Variants in PAX7 observed in about 807,000 individuals in gnomAD.
PAX7 encodes paired box protein Pax-7.
A neutral mutation model predicts 50.7 loss-of-function variants in PAX7; 18 were observed. That is an observed-to-expected ratio of 0.36 (90% confidence interval 0.25 to 0.53). PAX7 has a LOEUF of 0.53. Among genes scored for constraint, PAX7 ranks in the 20% least tolerant of loss-of-function variants. The pLI, the probability that PAX7 is intolerant of heterozygous loss-of-function variation, is 0.93. For synonymous variants in PAX7, 310 were observed against 290.4 expected (o/e 1.07, Z -0.69); for missense variants, 644 against 702.9 (o/e 0.92, Z 0.95).
At chr1:18,686,976 C>CA (rs2088986446) in intron 4 of PAX7, among the ~76,000 whole-genome samples, 1 of 151,612 alleles carries the variant, frequency 6.6e-6, no homozygotes, top group African/African-American at 2.4e-5. Flanking sequence ...CTGCAACCTC[C>CA]ACCTCCCAGA....
intron 8 of PAX7, among the ~76,000 whole-genome samples, chr1:18,740,611 A>C: frequency 6.6e-6 from 1 of 152,188 alleles, no homozygotes; most frequent in East Asian, 1.9e-4. Context: ...TGTTGTTCTG[A>C]TTATTATTCA....
At chr1:18,707,047 G>A (rs544589632) in intron 7 of PAX7, among the ~76,000 whole-genome samples, 46 of 152,290 alleles carry the variant, frequency 3.0e-4, no homozygotes, top group African/African-American at 1.1e-3. Context: ...ATCTCTGCAC[G>A]TGCCCCCTGG....
At chr1:18,730,139 C>T (rs2089629074) in intron 7 of PAX7, among the ~76,000 whole-genome samples, 3 of 152,162 alleles carry the variant, frequency 2.0e-5, no homozygotes, top group South Asian at 2.1e-4. Context: ...CATGGCACAT[C>T]CAGTGTACAT....
chr1:18,644,459 G>C (rs529908807), intron 4 of PAX7, among the ~76,000 whole-genome samples: 1 of 152,062 alleles, frequency 6.6e-6, no homozygotes, highest in Admixed American at 6.6e-5. Context: ...TTAAGAATAG[G>C]CTAAAACCGA....
chr1:18,659,615 G>A (rs935371400), intron 4 of PAX7, among the ~76,000 whole-genome samples: 1 of 152,174 alleles, frequency 6.6e-6, no homozygotes, highest in Non-Finnish European at 1.5e-5. Context: ...AAGAGAGAGT[G>A]GAAAGGAAAG....
intron 7 of PAX7, among the ~76,000 whole-genome samples, chr1:18,728,589 C>T (rs61760728): frequency 1.3e-5 from 2 of 151,754 alleles, no homozygotes; most frequent in African/African-American, 4.8e-5. Context: ...GACCGGGCGT[C>T]GTGGCTCACG....
chr1:18,690,088 C>T (rs1389211274), intron 4 of PAX7, among the ~76,000 whole-genome samples: 2 of 152,224 alleles, frequency 1.3e-5, no homozygotes, highest in African/African-American at 4.8e-5. Context: ...TCTAGCTTGA[C>T]TCAGGCTGAA....
chr1:18,631,747 G>A (rs2088052312), intron 1 of PAX7, 59 bp downstream of exon 1: 1 of 1,403,626 alleles, frequency 7.1e-7, no homozygotes, highest in Admixed American at 1.9e-5. Flanking sequence ...GGGGTCCTTG[G>A]AGAGGCTGCG....
intron 6 of PAX7, among the ~76,000 whole-genome samples, chr1:18,702,591 TC>T (rs2089236009): frequency 6.6e-6 from 1 of 152,072 alleles, no homozygotes; most frequent in African/African-American, 2.4e-5. Context: ...GCCATTCAAA[TC>T]CTGGTCCCAT....
At position 18,636,551 on chromosome 1, in the gene PAX7, C is replaced by A. The variant is rs2088160972; in HGVS notation, c.586+180C>A. On this transcript the variant is annotated intron_variant, in intron 4 of 8. Transcript: ENST00000420770. The surrounding 1 kb of genome is among the most constrained non-coding windows in gnomAD (Gnocchi z 5.1). ...GCCGACAGCGCCCCCTCGGTGCGCA[C>A]CCCGGATGCCGGCTAGATGCGAAGC... Among the ~76,000 whole-genome samples the A allele has an allele frequency of 6.6e-6, 1 of 152,238 alleles. No homozygotes were observed. Among genetic ancestry groups the A allele is most frequent in the Admixed American group, 6.5e-5 (1 of 15,290 alleles).
At chr1:18,642,643 C>A (rs2088273705) in intron 4 of PAX7, among the ~76,000 whole-genome samples, 1 of 152,068 alleles carries the variant, frequency 6.6e-6, no homozygotes, top group Non-Finnish European at 1.5e-5. Context: ...TTCTTTTCCC[C>A]TTCCCCCAAC....
chr1:18,648,699 C>A (rs1241760507), intron 4 of PAX7, among the ~76,000 whole-genome samples: 3 of 152,120 alleles, frequency 2.0e-5, no homozygotes, highest in African/African-American at 7.2e-5. Context: ...GGAGGATAAC[C>A]CCCACTGCCG....
intron 4 of PAX7, among the ~76,000 whole-genome samples, chr1:18,663,351 G>A (rs984491213): frequency 5.9e-5 from 9 of 152,186 alleles, no homozygotes; most frequent in African/African-American, 2.2e-4. Flanking sequence ...CTAGAAAGCA[G>A]ATGAACTGGA....
chr1:18,741,389 G>A (rs1481942164), intron 8 of PAX7, among the ~76,000 whole-genome samples: 2 of 151,922 alleles, frequency 1.3e-5, no homozygotes, highest in Non-Finnish European at 2.9e-5. Flanking sequence ...GGCGGAGGCT[G>A]CAATGAGCCA....
intron 4 of PAX7, among the ~76,000 whole-genome samples, chr1:18,675,804 G>A (rs1412797375): frequency 1.3e-5 from 2 of 152,146 alleles, no homozygotes; most frequent in Admixed American, 1.3e-4. Flanking sequence ...CTCTAAGTTC[G>A]AGTCTCTCTT....
rs1557497655 is a variant in PAX7, at chr1:18,633,027, TCG to T, written c.86-1275_86-1274del. Among the ~76,000 whole-genome samples, 4 of 152,294 alleles carry T rather than the reference TCG, an allele frequency of 2.6e-5. No homozygotes were observed. In the South Asian group the frequency reaches 8.3e-4, roughly 32 times the overall value. On this transcript the variant is annotated intron_variant, in intron 1 of 8. Coordinates refer to ENST00000420770, the MANE Select transcript of PAX7 (RefSeq NM_001135254.2). ...GGCTCTTGAATATAAAGTTGGGCGCTCGAGAGCTCTTGAGCGCTAATGGCATA... is the reference window on the plus strand; with the variant it reads ...GGCTCTTGAATATAAAGTTGGGCGCTAGAGCTCTTGAGCGCTAATGGCATA...
At chr1:18,638,449 G>A (rs1411127981) in intron 4 of PAX7, among the ~76,000 whole-genome samples, 1 of 152,218 alleles carries the variant, frequency 6.6e-6, no homozygotes, top group African/African-American at 2.4e-5. Context: ...CCAGATGGGG[G>A]AGGCTGAGGA....
chr1:18,702,667 G>A (rs925197189), intron 6 of PAX7, among the ~76,000 whole-genome samples: 1 of 152,174 alleles, frequency 6.6e-6, no homozygotes, highest in Admixed American at 6.5e-5. Context: ...TTCTTCATCT[G>A]TAAAATGGGA....
At chr1:18,668,537 C>CA (rs754808210) in intron 4 of PAX7, among the ~76,000 whole-genome samples, 1 of 152,018 alleles carries the variant, frequency 6.6e-6, no homozygotes, top group South Asian at 2.1e-4. Flanking sequence ...CCCATCTTTA[C>CA]AAAAAATTTA....
Sources: gnomAD v4.1 joint callset for allele counts (sites outside exome capture counted in the v4.1 genomes callset) on GRCh38, gnomAD v4.1.1 for gene constraint, Gnocchi (gnomAD v3.1) non-coding constraint, MANE v1.5 for transcripts, NCBI Gene and HGNC (gene_info 2026-07-23, HGNC 2026-07-21) for gene names.